Variants in IQGAP2 observed in about 807,000 individuals in gnomAD.
IQGAP2 encodes ras GTPase-activating-like protein IQGAP2.
In IQGAP2, 173 loss-of-function variants were observed where a neutral mutation model predicts 201.3. The ratio of observed to expected loss-of-function variants is 0.86; its 90% CI spans 0.76 to 0.98. The LOEUF is 0.98. Among genes scored for constraint, IQGAP2 ranks in the 50% least tolerant of loss-of-function variants. IQGAP2 has a pLI of 0.00. For missense variants in IQGAP2, 1,687 were observed against 1,864.8 expected (o/e 0.90, Z 1.76); for synonymous variants, 675 against 673.9 (o/e 1.00, Z -0.03).
chr5:76,478,225 C>T (rs562699429), intron 2 of IQGAP2, among the ~76,000 whole-genome samples: 1 of 151,946 alleles, frequency 6.6e-6, no homozygotes, highest in Non-Finnish European at 1.5e-5. Flanking sequence ...CATGGCAAAA[C>T]CCCTATCTCT....
chr5:76,474,954 C>T (rs926711061), intron 2 of IQGAP2, among the ~76,000 whole-genome samples: 3 of 152,184 alleles, frequency 2.0e-5, no homozygotes, highest in Admixed American at 6.5e-5. Context: ...TCATGTGATC[C>T]ACCCACCTCA....
At chr5:76,526,074 C>T (rs1428478414) in intron 2 of IQGAP2, among the ~76,000 whole-genome samples, 1 of 152,116 alleles carries the variant, frequency 6.6e-6, no homozygotes, top group South Asian at 2.1e-4. Flanking sequence ...GATTAAGATC[C>T]CCTGGGTTAG....
At chr5:76,674,123 C>T (rs1265743135) in intron 26 of IQGAP2, 87 bp downstream of exon 26, 1 of 766,034 alleles carries the variant, frequency 1.3e-6, no homozygotes, top group Non-Finnish European at 2.3e-6. Flanking sequence ...GATTATTCCC[C>T]ATGTATGATT....
chr5:76,465,976 A>G (rs192803045), intron 2 of IQGAP2, among the ~76,000 whole-genome samples: 46 of 152,304 alleles, frequency 3.0e-4, no homozygotes, highest in African/African-American at 1.0e-3. Flanking sequence ...GATTCAATAC[A>G]GTTTCTAGAA....
chr5:76,664,399 G>A (rs976038361), intron 21 of IQGAP2, among the ~76,000 whole-genome samples: 33 of 152,208 alleles, frequency 2.2e-4, no homozygotes, highest in African/African-American at 8.0e-4. Context: ...GAAGATCACT[G>A]ATAGGCTGGG....
chr5:76,600,757 A>G (rs991680502), intron 10 of IQGAP2, 55 bp from the exon 11 acceptor site: 16 of 1,587,192 alleles, frequency 1.0e-5, no homozygotes, highest in Non-Finnish European at 1.3e-5. Flanking sequence ...AACCTCCATC[A>G]TGCACATGAG....
intron 1 of IQGAP2, among the ~76,000 whole-genome samples, chr5:76,412,721 GT>G (rs1290688815): frequency 1.3e-5 from 2 of 152,128 alleles, no homozygotes; most frequent in African/African-American, 4.8e-5. Flanking sequence ...ATACTGTATT[GT>G]TTGTCTAAAT....
intron 15 of IQGAP2, among the ~76,000 whole-genome samples, chr5:76,633,957 C>A (rs1580677818): frequency 6.6e-6 from 1 of 152,030 alleles, no homozygotes; most frequent in East Asian, 1.9e-4. Flanking sequence ...GCCACCCCCT[C>A]CCCCCAACTT....
intron 5 of IQGAP2, among the ~76,000 whole-genome samples, chr5:76,584,480 G>A (rs1027890245): frequency 2.6e-4 from 40 of 152,284 alleles, no homozygotes; most frequent in African/African-American, 9.4e-4. Context: ...TGCAGCAGAG[G>A]TAGGAGCTGT....
At chr5:76,436,495 A>ATATATATATATATATATT (rs1752672160) in intron 1 of IQGAP2, among the ~76,000 whole-genome samples, 2 of 16,514 alleles carry the variant, frequency 1.2e-4, no homozygotes, top group Non-Finnish European at 2.0e-4. Context: ...ATATATATAT[A>ATATATATATATATATATT]TATATATATA....
chr5:76,562,045 A>C (rs1744409711), intron 2 of IQGAP2, among the ~76,000 whole-genome samples: 1 of 152,136 alleles, frequency 6.6e-6, no homozygotes, highest in Non-Finnish European at 1.5e-5. Flanking sequence ...CTAAACTTGG[A>C]ATTATTTTTT....
intron 21 of IQGAP2, among the ~76,000 whole-genome samples, chr5:76,660,902 G>A (rs1328935212): frequency 6.6e-6 from 1 of 152,148 alleles, no homozygotes; most frequent in Non-Finnish European, 1.5e-5. Flanking sequence ...AGTTTAATAT[G>A]GATGTTGTAT....
intron 17 of IQGAP2, among the ~76,000 whole-genome samples, chr5:76,644,286 T>TTG (rs57699378): frequency 0.67 from 65,824 of 97,654 alleles, 19,873 homozygotes; most frequent in South Asian, 0.77. Context: ...ACTGCCATTT[T>TTG]TGTAAATCCT....
In IQGAP2 at chr5:76,443,425, A is replaced by C. The variant is rs188923752; in HGVS notation, c.47-18145A>C. Among the ~76,000 whole-genome samples, 57 of 152,154 alleles carry C rather than the reference A, an allele frequency of 3.7e-4. No homozygotes were observed. In the East Asian group the frequency reaches 5.4e-3, roughly 14 times the overall value. Reference sequence around the variant, plus strand: ...CATTTGAACTTAGGAATTCCAGTTCAGCCTGGCCAACATAGTGAGACCTCA... The same window carrying C: ...CATTTGAACTTAGGAATTCCAGTTCCGCCTGGCCAACATAGTGAGACCTCA... On this transcript the variant is annotated intron_variant, in intron 1 of 35. Transcript: ENST00000274364.
chr5:76,577,648 T>C (rs1235081281), intron 5 of IQGAP2, among the ~76,000 whole-genome samples: 3 of 152,230 alleles, frequency 2.0e-5, no homozygotes, highest in Non-Finnish European at 2.9e-5. Context: ...CAAAACTTGT[T>C]CCTGCTATGA....
At chr5:76,447,779 C>T (rs1190928443) in intron 1 of IQGAP2, among the ~76,000 whole-genome samples, 1 of 152,094 alleles carries the variant, frequency 6.6e-6, no homozygotes, top group East Asian at 1.9e-4. Context: ...CTCAAAAATG[C>T]CAATTTTACT....
At chr5:76,413,554 A>T (rs967862373) in intron 1 of IQGAP2, among the ~76,000 whole-genome samples, 1 of 152,198 alleles carries the variant, frequency 6.6e-6, no homozygotes, top group Admixed American at 6.5e-5. Context: ...GTGGGGACCA[A>T]ATTAATCCTT....
At position 76,683,874 on chromosome 5, in the gene IQGAP2, A is replaced by G; in HGVS notation, c.3862A>G (p.Ile1288Val). The part of the protein sequence containing the change: ...ISLVLTSKYD[I>V]EDGEAIDSRS... ...TCTTGTCTTGACAAGCAAATATGACATAGAGGACGGTGAAGCTATAGATAG... is the reference window on the plus strand; with the variant it reads ...TCTTGTCTTGACAAGCAAATATGACGTAGAGGACGGTGAAGCTATAGATAG... The change falls in exon 30 of 36, where the codon ATA becomes GTA. Residue 1288 changes from isoleucine to valine, a missense_variant. Ile to Val is a conservative substitution (Grantham distance 29). Coordinates refer to ENST00000274364, the MANE Select transcript of IQGAP2 (RefSeq NM_006633.5). 1.2e-6 allele frequency: 2 copies of G among 1,613,530 alleles called. No individual in the cohort carries two copies. The highest frequency in any genetic ancestry group is 1.7e-6 in the Non-Finnish European group (2 of 1,179,708).
rs566692415 is a variant in IQGAP2, at chr5:76,410,560, T to C, written c.46+6969T>C. 2.0e-5 allele frequency among the ~76,000 whole-genome samples: 3 copies of C among 152,308 alleles called. No homozygotes were observed. In the East Asian group the frequency reaches 5.8e-4, roughly 29 times the overall value. On this transcript the variant is annotated intron_variant, in intron 1 of 35. Coordinates refer to ENST00000274364, the MANE Select transcript of IQGAP2 (RefSeq NM_006633.5). ...CGGCCTCTTCACTGTGCTTCTGGGT[T>C]TGGCTGTCTTTTGGATGAACAGCTT...
Sources: gnomAD v4.1 joint callset for allele counts (sites outside exome capture counted in the v4.1 genomes callset) on GRCh38, gnomAD v4.1.1 for gene constraint, MANE v1.5 for transcripts, NCBI Gene and HGNC (gene_info 2026-07-23, HGNC 2026-07-21) for gene names.